BIRC6: variants seen among roughly 807,000 people sequenced by gnomAD.
BIRC6 encodes the protein dual E2 ubiquitin-conjugating enzyme/E3 ubiquitin-protein ligase BIRC6.
BIRC6 carries 98 observed loss-of-function variants against 503.3 expected under a neutral mutation model. The observed-to-expected ratio is 0.19, with a 90% CI of 0.17 to 0.23. BIRC6 has a LOEUF of 0.23. Ranked by LOEUF, BIRC6 falls within the 10% of genes least tolerant of loss-of-function variation. The pLI is 1.00. For synonymous variants in BIRC6, 2,240 were observed against 2,078.7 expected, an observed-to-expected ratio of 1.08 and a Z score of -2.11; for missense variants, 5,360 against 5,806.0, an observed-to-expected ratio of 0.92 and a Z score of 2.50.
At chr2:32,518,720 A>G in intron 56 of BIRC6, 97 bp from the exon 57 acceptor site, 1 of 1,344,090 alleles carries the variant, frequency 7.4e-7, no homozygotes, top group South Asian at 1.4e-5. Context: ...TGTAGGATTT[A>G]TTGAGTATTT....
At chr2:32,420,061 A>G (rs941749514) in intron 10 of BIRC6, among the ~76,000 whole-genome samples, 11 of 152,214 alleles carry the variant, frequency 7.2e-5, no homozygotes, top group African/African-American at 2.7e-4. Context: ...ATTTGGTCAT[A>G]ATGCATTACC....
intron 53 of BIRC6, among the ~76,000 whole-genome samples, chr2:32,511,183 A>AT (rs1230266664): frequency 1.9e-4 from 11 of 58,654 alleles, no homozygotes; most frequent in Non-Finnish European, 3.7e-4. Context: ...ATATTTAGTG[A>AT]TTTTTTTCTT....
At chr2:32,424,779 CTGGGATTACAGGTG>C (rs1289698491) in intron 10 of BIRC6, among the ~76,000 whole-genome samples, 2 of 152,162 alleles carry the variant, frequency 1.3e-5, no homozygotes, top group African/African-American at 4.8e-5. Context: ...ACCCAACGTG[CTGGGATTACAGGTG>C]TGAGCCACCG....
In BIRC6 at chr2:32,491,434, G is replaced by T. The variant is rs781605809; in HGVS notation, c.8216G>T (p.Ser2739Ile). The change falls in exon 44 of 74, where the codon AGC becomes ATC. Residue 2739 changes from serine (S) to isoleucine (I), a missense_variant. Ser to Ile is a moderately radical substitution (Grantham distance 142). This residue lies in a region of BIRC6 where 2,299 missense variants were observed against 2,267.2 expected (regional missense o/e 1.01). Transcript: ENST00000421745. Reference protein sequence around the residue: ...MTNMQLNSGSSSAIGTQESTA... With the variant: ...MTNMQLNSGSISAIGTQESTA... ...AAAAAATGTTTTATAGCTGGTTCCA[G>T]CAGTGCCATTGGAACTCAGGAGAGT... is the stretch of plus-strand genomic sequence containing the variant. 6.2e-7 allele frequency: 1 copy of T among 1,608,984 alleles called. No homozygotes were observed. The highest frequency in any genetic ancestry group is 2.2e-5 in the East Asian group (1 of 44,784).
At chr2:32,473,418 G>C (rs555572427) in intron 33 of BIRC6, among the ~76,000 whole-genome samples, 179 bp downstream of exon 33, 1 of 152,218 alleles carries the variant, frequency 6.6e-6, no homozygotes, top group South Asian at 2.1e-4. Flanking sequence ...ACAATGTATA[G>C]TTTACAGACT....
intron 6 of BIRC6, among the ~76,000 whole-genome samples, chr2:32,397,604 GTATATA>G (rs1184584100): frequency 8.9e-6 from 1 of 112,032 alleles, no homozygotes; most frequent in Non-Finnish European, 1.9e-5. Context: ...GTGTGTGTGT[GTATATA>G]TGTGTGTATA....
chr2:32,492,606 A>G (rs1441264013), intron 44 of BIRC6, among the ~76,000 whole-genome samples: 1 of 152,092 alleles, frequency 6.6e-6, no homozygotes, highest in Non-Finnish European at 1.5e-5. Flanking sequence ...AAATTACATA[A>G]CTAGTTATCT....
At chr2:32,404,899 C>G (rs1484394736) in intron 8 of BIRC6, among the ~76,000 whole-genome samples, 2 of 151,864 alleles carry the variant, frequency 1.3e-5, no homozygotes, top group Non-Finnish European at 2.9e-5. Context: ...TGGGCTCAAG[C>G]AGTCCTCCCT....
At chr2:32,550,126 A>C (rs2058326951) in intron 65 of BIRC6, among the ~76,000 whole-genome samples, 1 of 152,210 alleles carries the variant, frequency 6.6e-6, no homozygotes, top group Non-Finnish European at 1.5e-5. Flanking sequence ...TATTTCTTTC[A>C]GCCAAAACCT....
chr2:32,482,582 G>A lies in BIRC6; in HGVS notation c.7696G>A (p.Ala2566Thr), dbSNP rs142416648. 75 of 1,613,584 alleles carry A rather than the reference G, an allele frequency of 4.6e-5. No homozygotes were observed. In the African/African-American group the frequency reaches 8.0e-4, roughly 17 times the overall value. Residue 2566 changes from alanine (A) to threonine (T), a missense_variant and splice_region_variant, in exon 39 of 74, where the codon GCC (alanine) becomes ACC (threonine). Physicochemically the swap from Ala to Thr is moderately conservative, Grantham distance 58 (BLOSUM62 0). Around this residue, in one of 16 missense-constraint regions of BIRC6, gnomAD observed 2,299 missense variants for 2,267.2 expected, o/e 1.01. Transcript: ENST00000421745. The part of the protein sequence containing the change: ...SQTVSVSVSQ[A>T]LDARLEVGLE... Reference sequence around the variant, plus strand: ...GACAGTTAGCGTTTCAGTCTCTCAGGGTAAGTGTATGTTTATATTTTAAGA... The same window carrying A: ...GACAGTTAGCGTTTCAGTCTCTCAGAGTAAGTGTATGTTTATATTTTAAGA...
At chr2:32,504,886 GC>G in intron 49 of BIRC6, 118 bp from the exon 50 acceptor site, 1 of 889,374 alleles carries the variant, frequency 1.1e-6, no homozygotes, top group Non-Finnish European at 1.7e-6. Flanking sequence ...TGCATTACCA[GC>G]ATCAATTGTT....
chr2:32,481,738 C>A (rs1558852388), intron 38 of BIRC6, among the ~76,000 whole-genome samples: 1 of 151,568 alleles, frequency 6.6e-6, no homozygotes, highest in East Asian at 1.9e-4. Context: ...TGCACTCCAG[C>A]CTGGGTGACA....
At chr2:32,432,788 A>G (rs1479390328) in intron 12 of BIRC6, among the ~76,000 whole-genome samples, 1 of 151,370 alleles carries the variant, frequency 6.6e-6, no homozygotes, top group African/African-American at 2.4e-5. Context: ...CTTTCATGCT[A>G]CGTGAGATGG....
rs796568803 is a variant in BIRC6, at chr2:32,371,222, A to C, written c.326-6366A>C. Among the ~76,000 whole-genome samples, 1,005 of 148,334 alleles carry C rather than the reference A, an allele frequency of 6.8e-3. 3 individuals carry two copies. Among genetic ancestry groups the C allele is most frequent in the African/African-American group, 0.024 (946 of 39,042 alleles). ...CAGAGTGAGACCCTGTCTCAAAAAA[A>C]AAAAAAAAAAAAAAAAAAGGAAATT... On this transcript the variant is annotated intron_variant, in intron 1 of 73. Transcript: ENST00000421745.
chr2:32,511,196 CTTTTCTTTTT>C (rs2054363200), intron 53 of BIRC6, among the ~76,000 whole-genome samples: 2 of 39,680 alleles, frequency 5.0e-5, no homozygotes, highest in Admixed American at 4.6e-4. Flanking sequence ...TTTTTCTTTT[CTTTTCTTTTT>C]TTTTTTTTTT....
intron 66 of BIRC6, among the ~76,000 whole-genome samples, chr2:32,580,831 T>G (rs2060622650): frequency 6.6e-6 from 1 of 152,214 alleles, no homozygotes; most frequent in South Asian, 2.1e-4. Context: ...ATGGACTTAA[T>G]AGATAGTTAG....
chr2:32,363,338 A>C (rs896327971), intron 1 of BIRC6, among the ~76,000 whole-genome samples: 2 of 152,122 alleles, frequency 1.3e-5, no homozygotes, highest in African/African-American at 4.8e-5. Context: ...ACAAACAAAA[A>C]CAAGAAAACC....
rs749244850 is a variant in BIRC6 at position 32,469,450 on chromosome 2, G to T, written c.6183G>T (p.Glu2061Asp). The change falls in exon 30 of 74, where the codon GAG becomes GAT. Residue 2061 changes from glutamate to aspartate, a missense_variant. This residue lies in a region of BIRC6 where 2,299 missense variants were observed against 2,267.2 expected (regional missense o/e 1.01). Transcript: ENST00000421745. The stretch of plus-strand genomic sequence containing the variant: ...CATTTCATGCCCAGGCCTGTGAAGA[G>T]CTCTTTAAACACTTGTGCATCAGTG... ...QSTFHAQACE[E>D]LFKHLCISGT... 4.3e-6 allele frequency: 7 copies of T among 1,613,810 alleles called. No individual in the cohort carries two copies. The highest frequency in any genetic ancestry group is 5.9e-6 in the Non-Finnish European group (7 of 1,179,842).
intron 64 of BIRC6, among the ~76,000 whole-genome samples, 151 bp downstream of exon 64, chr2:32,548,165 A>G (rs2058179895): frequency 6.6e-6 from 1 of 152,082 alleles, no homozygotes; most frequent in African/African-American, 2.4e-5. Context: ...ACCACTGGAT[A>G]AAGATTGTTC....
Sources: allele counts gnomAD v4.1 joint callset (sites outside exome capture counted in the v4.1 genomes callset), GRCh38; gene constraint gnomAD v4.1.1; regional missense constraint gnomAD v4.1.1; transcripts MANE v1.5; gene names NCBI Gene and HGNC (gene_info 2026-07-23, HGNC 2026-07-21).